The following FGF13 variants were observed in gnomAD, a reference collection of about 807,000 sequenced individuals.
FGF13 encodes the protein fibroblast growth factor homologous factor 2.
Under a neutral mutation model 19.5 loss-of-function variants are expected in FGF13, and 2 were observed. The observed-to-expected ratio is 0.10, with a 90% CI of 0.04 to 0.32. The LOEUF (loss-of-function observed/expected upper bound fraction) is 0.32, where lower values mean the gene tolerates loss of function less well. Among genes scored for constraint, FGF13 ranks in the 10% least tolerant of loss-of-function variants. FGF13 has a pLI of 1.00. For synonymous variants in FGF13, 72 were observed against 76.9 expected (o/e 0.94, Z 0.33); for missense variants, 113 against 192.7 (o/e 0.59, Z 2.45).
chrX:138,793,481 C>T (rs1315790034), intron 3 of FGF13, among the ~76,000 whole-genome samples: 1 of 111,658 alleles, frequency 9.0e-6, no homozygotes, highest in Non-Finnish European at 1.9e-5. Flanking sequence ...CATAGGGAAT[C>T]AATGGGTGGC....
At chrX:138,825,366 C>T (rs950523971) in intron 3 of FGF13, among the ~76,000 whole-genome samples, 2 of 111,638 alleles carry the variant, frequency 1.8e-5, no homozygotes, top group Admixed American at 9.5e-5. Context: ...ATTCTTATGG[C>T]GATTACAAAA....
chrX:138,965,792 A>C (rs933109272), intron 1 of FGF13, among the ~76,000 whole-genome samples: 1 of 112,455 alleles, frequency 8.9e-6, no homozygotes, highest in Non-Finnish European at 1.9e-5. Context: ...CCAAACACCC[A>C]TGATGCTGGC....
chrX:138,772,222 G>A (rs935668140), intron 3 of FGF13, among the ~76,000 whole-genome samples: 2 of 108,144 alleles, frequency 1.8e-5, no homozygotes, highest in Non-Finnish European at 3.8e-5. Flanking sequence ...TGCATATTAG[G>A]CATGTAAACA....
At chrX:139,025,985 T>C (rs778259925) in intron 1 of FGF13, among the ~76,000 whole-genome samples, 1 of 110,994 alleles carries the variant, frequency 9.0e-6, no homozygotes, top group East Asian at 2.9e-4. Flanking sequence ...CTGGTTCTAT[T>C]TGCACCTCTC....
At chrX:138,942,765 C>T (rs990449249) in intron 1 of FGF13, among the ~76,000 whole-genome samples, 2 of 111,645 alleles carry the variant, frequency 1.8e-5, no homozygotes, top group Non-Finnish European at 3.8e-5. Flanking sequence ...GGAAAAACAA[C>T]GTCAATATTA....
chrX:138,817,057 A>G (rs902111282), intron 3 of FGF13, among the ~76,000 whole-genome samples: 6 of 112,456 alleles, frequency 5.3e-5, no homozygotes, highest in Non-Finnish European at 1.1e-4. Context: ...TTGGTAGTAA[A>G]TTTGGAAGAA....
At chrX:138,735,098 T>C (rs1452180250) in intron 1 of FGF13, among the ~76,000 whole-genome samples, 1 of 112,301 alleles carries the variant, frequency 8.9e-6, no homozygotes, top group African/African-American at 3.2e-5. Context: ...ACATAATGAA[T>C]GTGGTATTTA....
At chrX:138,937,542 T>A (rs751787353) in intron 1 of FGF13, among the ~76,000 whole-genome samples, 1 of 112,050 alleles carries the variant, frequency 8.9e-6, no homozygotes, top group African/African-American at 3.2e-5. Context: ...CCATTAGCAT[T>A]TGCTGAATGA....
At chrX:138,685,552 A>G (rs1386124358) in intron 3 of FGF13, among the ~76,000 whole-genome samples, 1 of 111,751 alleles carries the variant, frequency 8.9e-6, no homozygotes, top group Non-Finnish European at 1.9e-5. Context: ...ATTTAATTCA[A>G]CAGTTCAAAA....
At chrX:138,819,817 C>T (rs1430193736) in intron 3 of FGF13, among the ~76,000 whole-genome samples, 1 of 111,438 alleles carries the variant, frequency 9.0e-6, no homozygotes, top group African/African-American at 3.3e-5. Flanking sequence ...GTTCATAATA[C>T]TTATTATGGA....
chrX:138,629,034 G>GA lies in FGF13; in HGVS notation c.*3815dup, dbSNP rs2089090667. ...TGAATACACGTTCACAGATGGGGTG[G>GA]AAAACTGACATTAAGTGCCATGCCA... On this transcript the variant is annotated 3_prime_UTR_variant, in exon 5 of 5. Coordinates refer to ENST00000315930, the MANE Select transcript of FGF13 (RefSeq NM_004114.5). The GA allele has an allele frequency of 8.9e-6, 1 of 112,072 alleles. No homozygotes were observed. 9.2% of individuals were successfully genotyped at this position (112,072 alleles called of 1,213,427 possible). A position where few individuals can be genotyped will look rare whatever the true frequency, so the allele number is the denominator to read the frequency against.
intron 1 of FGF13, among the ~76,000 whole-genome samples, chrX:139,109,272 C>T (rs958958347): frequency 7.2e-5 from 8 of 111,482 alleles, no homozygotes; most frequent in African/African-American, 2.0e-4. Context: ...CTGGGAGATG[C>T]GACCAACTCA....
intron 3 of FGF13, among the ~76,000 whole-genome samples, chrX:138,795,765 T>A (rs1348790837): frequency 4.5e-5 from 5 of 112,102 alleles, no homozygotes; most frequent in Non-Finnish European, 9.4e-5. Context: ...CTGCTAATAT[T>A]ATACCTCAGT....
chrX:138,997,790 C>A (rs1233780842), intron 1 of FGF13, among the ~76,000 whole-genome samples: 1 of 112,132 alleles, frequency 8.9e-6, no homozygotes, highest in Non-Finnish European at 1.9e-5. Flanking sequence ...CTTCCCCAAC[C>A]TAGCAAGGCA....
At chrX:138,995,461 C>T (rs1163589933) in intron 1 of FGF13, among the ~76,000 whole-genome samples, 2 of 111,495 alleles carry the variant, frequency 1.8e-5, no homozygotes, top group Non-Finnish European at 3.8e-5. Context: ...GCTCCTTTCT[C>T]TCTTCCCAAC....
At chrX:138,789,427 G>A (rs994918262) in intron 3 of FGF13, among the ~76,000 whole-genome samples, 8 of 106,204 alleles carry the variant, frequency 7.5e-5, no homozygotes, top group African/African-American at 1.0e-4. Flanking sequence ...TGATCTGCCC[G>A]CCTCGGTCTC....
At chrX:139,057,405 G>C (rs887234925) in intron 1 of FGF13, among the ~76,000 whole-genome samples, 1 of 111,208 alleles carries the variant, frequency 9.0e-6, no homozygotes. Flanking sequence ...TGAAACAAGT[G>C]AAACACTTAT....
chrX:138,997,217 G>A (rs2092047316), intron 1 of FGF13, among the ~76,000 whole-genome samples: 1 of 112,384 alleles, frequency 8.9e-6, no homozygotes, highest in Non-Finnish European at 1.9e-5. Flanking sequence ...AAACCACAAA[G>A]ATGGGGAGGA....
In FGF13 at chrX:139,119,689, T is replaced by C. The variant is rs1386914543; in HGVS notation, c.-113+83727A>G. The stretch of plus-strand genomic sequence containing the variant: ...CTGAAATACACAGGGTCTGTAACTC[T>C]TGTGGTCCATGTTACCTTTGTTAAT... On this transcript the variant is annotated intron_variant, in intron 1 of 2. Transcript: ENST00000421460. Among the ~76,000 whole-genome samples the C allele has an allele frequency of 3.6e-5, 4 of 112,498 alleles. No individual in the cohort carries two copies. In the East Asian group the frequency reaches 8.4e-4, roughly 24 times the overall value.
Sources: allele counts gnomAD v4.1 joint callset (sites outside exome capture counted in the v4.1 genomes callset), GRCh38; gene constraint gnomAD v4.1.1; transcripts MANE v1.5; gene names NCBI Gene and HGNC (gene_info 2026-07-23, HGNC 2026-07-21).